The following RIPOR3 variants were observed in gnomAD, a reference collection of about 807,000 sequenced individuals.
RIPOR3 encodes the protein family with sequence similarity 65 member C.
RIPOR3 carries 95 observed loss-of-function variants against 114.3 expected under a neutral mutation model. That is an observed-to-expected ratio of 0.83 (90% CI 0.70 to 0.99). The LOEUF (loss-of-function observed/expected upper bound fraction) is 0.99, where lower values mean the gene tolerates loss of function less well. Ranked by LOEUF, RIPOR3 falls within the 50% of genes least tolerant of loss-of-function variation. RIPOR3 has a pLI of 0.00. For synonymous variants in RIPOR3, 575 were observed against 543.8 expected, an observed-to-expected ratio of 1.06 and a Z score of -0.80; for missense variants, 1,252 against 1,266.9, an observed-to-expected ratio of 0.99 and a Z score of 0.18.
chr20:50,681,215 ACT>A lies in RIPOR3; in HGVS notation c.3+9909_3+9910del, dbSNP rs371631322. Among the ~76,000 whole-genome samples the A allele has an allele frequency of 2.3e-3, 310 of 136,654 alleles. 6 individuals are homozygous for A. The highest frequency in any genetic ancestry group is 7.8e-3 in the African/African-American group (286 of 36,636). The allele number at this position is 136,654 out of a possible 152,430, so 89.7% of individuals were successfully genotyped here. A position where few individuals can be genotyped will look rare whatever the true frequency, so the allele number is the denominator to read the frequency against. ...ACTCCAGCCTGGGCGACAAAGCCAA[ACT>A]CTGTCTCAAAAAAAAAAAAAAAAAA... On this transcript the variant is annotated intron_variant, in intron 1 of 21. Coordinates refer to ENST00000327979, the MANE Select transcript of RIPOR3 (RefSeq NM_001290268.2).
intron 13 of RIPOR3, among the ~76,000 whole-genome samples, chr20:50,597,980 C>A (rs1344872561): frequency 6.6e-6 from 1 of 152,226 alleles, no homozygotes; most frequent in Admixed American, 6.5e-5. Context: ...ATCTCAGACA[C>A]CCACGGGGAC....
chr20:50,616,110 T>A, intron 3 of RIPOR3, 30 bp from the exon 4 acceptor site: 1 of 1,599,138 alleles, frequency 6.3e-7, no homozygotes. Flanking sequence ...GAGTTTCAAA[T>A]GGAAGAGGAA....
chr20:50,652,855 C>T (rs541015989), intron 1 of RIPOR3, among the ~76,000 whole-genome samples: 99 of 152,240 alleles, frequency 6.5e-4, no homozygotes, highest in African/African-American at 2.3e-3. Context: ...TGTAAGAGGG[C>T]GCAGCTGCTT....
intron 1 of RIPOR3, among the ~76,000 whole-genome samples, chr20:50,684,713 G>A (rs923129966): frequency 3.3e-5 from 5 of 152,190 alleles, no homozygotes; most frequent in Admixed American, 1.3e-4. Flanking sequence ...TGGAGGGAGC[G>A]GAGGTGACAG....
rs201512402 is a variant in RIPOR3, at chr20:50,643,709, T to TC, written c.4-12854_4-12853insG. ...AGGAGGATTTCTTTCTTTCTTTCTT[T>TC]TTTTTTTTTTTTTTGAGATGGAGCC... On this transcript the variant is annotated intron_variant, in intron 1 of 21. Transcript: ENST00000327979. Among the ~76,000 whole-genome samples, 38 of 65,930 alleles carry TC rather than the reference T, an allele frequency of 5.8e-4. 1 individual carries two copies. The highest frequency in any genetic ancestry group is 1.8e-3 in the South Asian group (5 of 2,802). The allele number at this position is 65,930 out of a possible 152,430, so 43.3% of individuals were successfully genotyped here.
At chr20:50,623,816 A>C (rs2084516015) in intron 2 of RIPOR3, among the ~76,000 whole-genome samples, 1 of 152,086 alleles carries the variant, frequency 6.6e-6, no homozygotes, top group Non-Finnish European at 1.5e-5. Flanking sequence ...CGACTTTCAC[A>C]ACCACCCTAG....
At chr20:50,628,937 C>T (rs963322802) in intron 2 of RIPOR3, among the ~76,000 whole-genome samples, 2 of 152,162 alleles carry the variant, frequency 1.3e-5, no homozygotes, top group Admixed American at 1.3e-4. Context: ...GCAGCAAATG[C>T]CCCTGGGAAG....
intron 1 of RIPOR3, among the ~76,000 whole-genome samples, chr20:50,632,248 C>A (rs1038486746): frequency 6.6e-6 from 1 of 152,172 alleles, no homozygotes; most frequent in African/African-American, 2.4e-5. Context: ...GGGCTCAAAT[C>A]CCAACTGTGC....
At chr20:50,677,686 T>TG (rs2086720882) in intron 1 of RIPOR3, among the ~76,000 whole-genome samples, 1 of 130,764 alleles carries the variant, frequency 7.6e-6, no homozygotes, top group Non-Finnish European at 1.6e-5. Context: ...TTTTTTTTTT[T>TG]TGAGACAAGA....
chr20:50,639,163 A>G (rs2085102871), intron 1 of RIPOR3, among the ~76,000 whole-genome samples: 1 of 150,958 alleles, frequency 6.6e-6, no homozygotes, highest in Non-Finnish European at 1.5e-5. Flanking sequence ...AATTGCTTGA[A>G]CCCAGGTGGC....
chr20:50,681,255 A>T (rs1236996922), intron 1 of RIPOR3, among the ~76,000 whole-genome samples: 72 of 117,480 alleles, frequency 6.1e-4, no homozygotes, highest in African/African-American at 1.8e-3. Context: ...AAAGAAAAGA[A>T]AAGAAACAAT....
Position 50,602,328 on chromosome 20 carries a change from G to A in RIPOR3, c.1403C>T (p.Ala468Val), listed in dbSNP as rs561715087. 2 of 1,613,914 alleles carry A rather than the reference G, an allele frequency of 1.2e-6. No homozygotes were observed. The highest frequency in any genetic ancestry group is 1.1e-5 in the South Asian group (1 of 91,082). ...TAAGTTCCTCCAGCCAGGCTGCTCT[G>A]CAAACGGGCCTCCAGAGAGGTGGGC... ...EMAHLSGGPF[A>V]EQPGWRNLGG... is the part of the protein sequence containing the mutation. Residue 468 changes from alanine to valine, a missense_variant, in exon 13 of 22, where the codon GCA becomes GTA. Physicochemically the swap from Ala to Val is moderately conservative, Grantham distance 64 (BLOSUM62 0). Transcript: ENST00000327979. This position sits in a 1 kb window ranked among gnomAD's most constrained non-coding sequence, Gnocchi z 4.3.
intron 11 of RIPOR3, among the ~76,000 whole-genome samples, chr20:50,605,340 A>G (rs894030415): frequency 6.6e-6 from 1 of 152,140 alleles, no homozygotes; most frequent in African/African-American, 2.4e-5. Context: ...GAGATGAGTG[A>G]CTTGCTTAGG....
At chr20:50,661,155 T>C (rs908148344) in intron 1 of RIPOR3, among the ~76,000 whole-genome samples, 3 of 151,350 alleles carry the variant, frequency 2.0e-5, no homozygotes, top group South Asian at 2.1e-4. Flanking sequence ...GGAGAATCGC[T>C]TGAACGCGGG....
intron 17 of RIPOR3, 37 bp downstream of exon 17, chr20:50,594,516 T>TA: frequency 6.3e-7 from 1 of 1,596,914 alleles, no homozygotes; most frequent in South Asian, 1.1e-5. Context: ...ATACAGCCTT[T>TA]CTGTGGGAGG....
intron 1 of RIPOR3, among the ~76,000 whole-genome samples, chr20:50,677,979 G>A (rs111262402): frequency 1.6e-4 from 25 of 152,150 alleles, no homozygotes; most frequent in African/African-American, 3.4e-4. Flanking sequence ...CTTATTATTC[G>A]TCTTCTTAGT....
At chr20:50,611,021 C>T in intron 5 of RIPOR3, 115 bp from the exon 6 acceptor site, 2 of 310,518 alleles carry the variant, frequency 6.4e-6, no homozygotes, top group South Asian at 1.5e-4. Context: ...CCCTCACCAT[C>T]CCTGAGGAAG....
chr20:50,666,188 T>TTTTC (rs1568944386), intron 1 of RIPOR3, among the ~76,000 whole-genome samples: 4 of 19,342 alleles, frequency 2.1e-4, no homozygotes, highest in East Asian at 5.3e-3. Flanking sequence ...CACCCATTTC[T>TTTTC]TTTCTTTTCT....
chr20:50,677,807 T>C (rs1038714696), intron 1 of RIPOR3, among the ~76,000 whole-genome samples: 3 of 151,814 alleles, frequency 2.0e-5, no homozygotes, highest in Non-Finnish European at 4.4e-5. Flanking sequence ...GTACCTGGAA[T>C]TACAGGCACG....
Sources: allele counts gnomAD v4.1 joint callset (sites outside exome capture counted in the v4.1 genomes callset), GRCh38; gene constraint gnomAD v4.1.1; non-coding constraint Gnocchi (gnomAD v3.1); transcripts MANE v1.5; gene names NCBI Gene and HGNC (gene_info 2026-07-23, HGNC 2026-07-21).